The following PATJ variants were observed in gnomAD, a reference collection of about 807,000 sequenced individuals.
The protein encoded by PATJ is inaD-like protein.
A neutral mutation model predicts 224.9 loss-of-function variants in PATJ; 190 were observed. That is an observed-to-expected ratio of 0.84 (90% confidence interval 0.75 to 0.95). The LOEUF (loss-of-function observed/expected upper bound fraction) is 0.95. Ranked by LOEUF, PATJ falls within the 40% of genes least tolerant of loss-of-function variation. The pLI is 0.00. For missense variants in PATJ, 2,121 were observed against 2,270.3 expected (o/e 0.93, Z 1.34); for synonymous variants, 769 against 820.3 (o/e 0.94, Z 1.07).
intron 7 of PATJ, among the ~76,000 whole-genome samples, chr1:61,776,415 C>T (rs960356633): frequency 6.6e-6 from 1 of 151,804 alleles, no homozygotes. Context: ...GGCCACAAAC[C>T]GTTATAGTAA....
Position 61,766,386 on chromosome 1 carries a change from T to TAA in PATJ, c.298_299dup (p.Asn100LysfsTer37). 2.5e-6 allele frequency: 4 copies of TAA among 1,612,312 alleles called. No individual in the cohort carries two copies. The highest frequency in any genetic ancestry group is 3.4e-6 in the Non-Finnish European group (4 of 1,179,028). ...CTAATGGAAATGTCCACAGGCCCTC[T>TAA]AATAACTCGACTGTATCTGGGTTAT... On this transcript the variant is annotated frameshift_variant, in exon 4 of 44. Coordinates refer to ENST00000642238, the MANE Select transcript of PATJ (RefSeq NM_001350145.3). LOFTEE classifies it high-confidence loss of function.
intron 37 of PATJ, chr1:62,120,739 C>T (rs532642900): frequency 1.3e-5 from 2 of 154,044 alleles, no homozygotes; most frequent in South Asian, 4.1e-4. Context: ...CAGGTTTCTG[C>T]TAATCAAGGT....
chr1:61,827,665 G>A, intron 16 of PATJ, 82 bp downstream of exon 16: 1 of 1,334,036 alleles, frequency 7.5e-7, no homozygotes, highest in Non-Finnish European at 1.0e-6. Context: ...AATAAGAAGG[G>A]AGGGGAAACC....
chr1:61,941,371 C>G (rs1294788278), intron 27 of PATJ, among the ~76,000 whole-genome samples: 1 of 152,148 alleles, frequency 6.6e-6, no homozygotes, highest in Non-Finnish European at 1.5e-5. Flanking sequence ...TAATTTTCAG[C>G]CGGGCACGAT....
intron 4 of PATJ, among the ~76,000 whole-genome samples, chr1:61,767,667 CCTTTT>C (rs1400703357): frequency 6.1e-5 from 9 of 148,396 alleles, no homozygotes; most frequent in African/African-American, 2.0e-4. Context: ...TTCTTTCTTT[CCTTTT>C]CTTTTCTTTT....
intron 31 of PATJ, among the ~76,000 whole-genome samples, chr1:62,066,184 A>G (rs1656379615): frequency 6.6e-6 from 1 of 152,170 alleles, no homozygotes; most frequent in South Asian, 2.1e-4. Flanking sequence ...CATGGCATTT[A>G]CTATGCATTC....
chr1:61,919,207 C>G (rs998008222), intron 26 of PATJ, among the ~76,000 whole-genome samples: 1 of 151,674 alleles, frequency 6.6e-6, no homozygotes, highest in East Asian at 1.9e-4. Flanking sequence ...TGAATTCATT[C>G]CCCTTTTTCA....
At chr1:61,790,580 C>T (rs1649633589) in intron 8 of PATJ, among the ~76,000 whole-genome samples, 1 of 137,650 alleles carries the variant, frequency 7.3e-6, no homozygotes, top group East Asian at 2.2e-4. Flanking sequence ...GTGGTGTGAT[C>T]TCGGCTCACT....
intron 30 of PATJ, among the ~76,000 whole-genome samples, chr1:62,041,391 T>A (rs1360693688): frequency 6.6e-6 from 1 of 152,148 alleles, no homozygotes; most frequent in Non-Finnish European, 1.5e-5. Context: ...CCACAGCTGC[T>A]AGGTAGGGAG....
At chr1:62,088,869 C>CATATATAT (rs34546051) in intron 33 of PATJ, among the ~76,000 whole-genome samples, 6 of 143,496 alleles carry the variant, frequency 4.2e-5, no homozygotes, top group African/African-American at 1.5e-4. Flanking sequence ...ATATATAGAA[C>CATATATAT]ATATATATAT....
chr1:61,921,091 T>C lies in PATJ; in HGVS notation c.3570+6427T>C, dbSNP rs575281986. 5.9e-5 allele frequency among the ~76,000 whole-genome samples: 9 copies of C among 152,296 alleles called. No individual in the cohort carries two copies. In the South Asian group the frequency reaches 1.9e-3, roughly 32 times the overall value. The stretch of plus-strand genomic sequence containing the variant: ...GACAAAGACCAGGAAATATATCTTC[T>C]GTGATCAATATTTTGGTTTGTTTAT... On this transcript the variant is annotated intron_variant, in intron 26 of 43. Transcript: ENST00000642238.
chr1:61,923,583 A>G (rs1674650589), intron 26 of PATJ, among the ~76,000 whole-genome samples: 1 of 152,158 alleles, frequency 6.6e-6, no homozygotes, highest in South Asian at 2.1e-4. Flanking sequence ...CTCATTTCTA[A>G]CAGAGGTCTA....
chr1:61,855,635 G>A (rs901445552), intron 17 of PATJ, among the ~76,000 whole-genome samples: 4 of 152,140 alleles, frequency 2.6e-5, no homozygotes, highest in African/African-American at 9.7e-5. Context: ...GGCTGGTCTT[G>A]AATCCTGGGC....
intron 28 of PATJ, among the ~76,000 whole-genome samples, chr1:61,993,578 A>C (rs1645187382): frequency 6.6e-6 from 1 of 151,770 alleles, no homozygotes; most frequent in East Asian, 1.9e-4. Flanking sequence ...AACAAAAGAC[A>C]CTCTTGTTAC....
chr1:62,014,828 A>C (rs1426880102), intron 28 of PATJ, among the ~76,000 whole-genome samples: 3 of 152,060 alleles, frequency 2.0e-5, no homozygotes, highest in Non-Finnish European at 4.4e-5. Context: ...CAGCCTCGCA[A>C]AGTGCTAGGA....
chr1:62,019,574 T>G (rs1646962578), intron 29 of PATJ, among the ~76,000 whole-genome samples: 1 of 152,022 alleles, frequency 6.6e-6, no homozygotes, highest in Non-Finnish European at 1.5e-5. Context: ...AGTGGCACTT[T>G]CTGGCTTTCT....
In PATJ at chr1:62,128,939, C is replaced by A. The variant is rs1247322890; in HGVS notation, c.5265C>A (p.Ile1755=). Residue 1755 remains isoleucine, a synonymous_variant, in exon 41 of 44, where the codon ATC becomes ATA. Coordinates refer to ENST00000642238, the MANE Select transcript of PATJ (RefSeq NM_001350145.3). ...NLLKNAYGRI[I]LQVVADTNIS... ...TGAAGAACGCCTACGGGCGCATTAT[C>A]CTGCAGGTATTGCGATCAACGGAGC... The A allele has an allele frequency of 1.2e-6, 2 of 1,602,386 alleles. No homozygotes were observed. Among genetic ancestry groups the A allele is most frequent in the Non-Finnish European group, 1.7e-6 (2 of 1,169,800 alleles).
chr1:61,836,030 G>A (rs2799625), intron 17 of PATJ, among the ~76,000 whole-genome samples: 83,364 of 151,818 alleles, frequency 0.55, 23,898 homozygotes, highest in East Asian at 0.82. Flanking sequence ...TTTGAATAGT[G>A]CACATATTAA....
chr1:62,077,783 T>G (rs891783896), intron 31 of PATJ, among the ~76,000 whole-genome samples: 5 of 152,296 alleles, frequency 3.3e-5, no homozygotes, highest in Middle Eastern at 3.4e-3. Flanking sequence ...GATAAACACT[T>G]TAAGCTTGTA....
Sources: allele counts gnomAD v4.1 joint callset (sites outside exome capture counted in the v4.1 genomes callset), GRCh38; gene constraint gnomAD v4.1.1; transcripts MANE v1.5; gene names NCBI Gene and HGNC (gene_info 2026-07-23, HGNC 2026-07-21).